Variants in CADPS observed in about 807,000 individuals in gnomAD.
The protein encoded by CADPS is calcium dependent secretion activator.
A neutral mutation model predicts 167.3 loss-of-function variants in CADPS; 57 were observed. The ratio of observed to expected loss-of-function variants is 0.34; its 90% CI spans 0.28 to 0.42. The LOEUF (loss-of-function observed/expected upper bound fraction) is 0.42. Ranked by LOEUF, CADPS falls within the 20% of genes least tolerant of loss-of-function variation. CADPS has a pLI of 1.00. For missense variants in CADPS, 1,414 were observed against 1,738.1 expected (o/e 0.81, Z 3.32); for synonymous variants, 676 against 635.3 (o/e 1.06, Z -0.96).
At chr3:62,480,397 G>C (rs1005996196) in intron 22 of CADPS, among the ~76,000 whole-genome samples, 1 of 152,080 alleles carries the variant, frequency 6.6e-6, no homozygotes, top group African/African-American at 2.4e-5. Context: ...AATATGATTT[G>C]TGTTCTTTTT....
intron 1 of CADPS, among the ~76,000 whole-genome samples, chr3:62,769,206 C>T (rs982083639): frequency 2.6e-5 from 4 of 151,362 alleles, no homozygotes; most frequent in African/African-American, 9.8e-5. Context: ...ATCTTAGCTA[C>T]TGTGATGATT....
chr3:62,739,526 G>T (rs1468450690), intron 3 of CADPS, among the ~76,000 whole-genome samples: 1 of 152,194 alleles, frequency 6.6e-6, no homozygotes, highest in Non-Finnish European at 1.5e-5. Flanking sequence ...TAAGGGCTTT[G>T]CCGCTTTCTA....
chr3:62,552,690 GA>G (rs1470728574), intron 10 of CADPS, among the ~76,000 whole-genome samples: 2 of 152,142 alleles, frequency 1.3e-5, no homozygotes, highest in African/African-American at 4.8e-5. Context: ...GCAATTTATT[GA>G]GGTGTCTATG....
chr3:62,678,741 T>C (rs1290577479), intron 3 of CADPS, among the ~76,000 whole-genome samples: 1 of 151,562 alleles, frequency 6.6e-6, no homozygotes, highest in Non-Finnish European at 1.5e-5. Context: ...AGAAACCATG[T>C]TGACCTAAGG....
At chr3:62,497,924 A>G (rs1269727484) in intron 18 of CADPS, among the ~76,000 whole-genome samples, 1 of 152,202 alleles carries the variant, frequency 6.6e-6, no homozygotes, top group African/African-American at 2.4e-5. Flanking sequence ...GTTGTTAAGT[A>G]TATCAATTGC....
At chr3:62,661,453 G>A (rs1335586214) in intron 4 of CADPS, among the ~76,000 whole-genome samples, 1 of 152,132 alleles carries the variant, frequency 6.6e-6, no homozygotes, top group Non-Finnish European at 1.5e-5. Context: ...GAAAGGGCCT[G>A]GTATATTTGG....
chr3:62,530,162 C>A (rs1375689941), intron 13 of CADPS, among the ~76,000 whole-genome samples: 1 of 152,100 alleles, frequency 6.6e-6, no homozygotes, highest in Admixed American at 6.6e-5. Flanking sequence ...TATTATAAAT[C>A]ATTATTTGAG....
At chr3:62,424,001 A>G (rs895676682) in intron 28 of CADPS, among the ~76,000 whole-genome samples, 5 of 152,226 alleles carry the variant, frequency 3.3e-5, no homozygotes, top group African/African-American at 1.2e-4. Flanking sequence ...TTTTCCTCTT[A>G]GGAGAATGCT....
chr3:62,778,695 C>T (rs1423496991), intron 1 of CADPS, among the ~76,000 whole-genome samples: 1 of 152,114 alleles, frequency 6.6e-6, no homozygotes. Context: ...GAATAGAAAC[C>T]CAGGTATGTA....
intron 1 of CADPS, among the ~76,000 whole-genome samples, chr3:62,776,572 T>G (rs994891267): frequency 6.6e-6 from 1 of 152,096 alleles, no homozygotes; most frequent in Non-Finnish European, 1.5e-5. Flanking sequence ...GAGAATGGCG[T>G]GAACCCGGGA....
intron 1 of CADPS, among the ~76,000 whole-genome samples, chr3:62,789,979 C>A (rs1404221815): frequency 6.6e-6 from 1 of 151,994 alleles, no homozygotes; most frequent in African/African-American, 2.4e-5. Flanking sequence ...ATAGTCCATG[C>A]TCTCAGGGAG....
intron 1 of CADPS, among the ~76,000 whole-genome samples, chr3:62,792,433 GGCTCAGGTAAT>G (rs1417080961): frequency 2.6e-5 from 4 of 151,838 alleles, no homozygotes; most frequent in Admixed American, 6.6e-5. Flanking sequence ...CAAACTCCTG[GGCTCAGGTAAT>G]GCTCCCGCCT....
At chr3:62,727,546 C>A (rs1385082663) in intron 3 of CADPS, among the ~76,000 whole-genome samples, 1 of 151,820 alleles carries the variant, frequency 6.6e-6, no homozygotes, top group Non-Finnish European at 1.5e-5. Flanking sequence ...ACAAAAAAAA[C>A]TGTCATTCTC....
chr3:62,782,822 C>T (rs2091891449), intron 1 of CADPS, among the ~76,000 whole-genome samples: 4 of 151,056 alleles, frequency 2.6e-5, no homozygotes, highest in Non-Finnish European at 5.9e-5. Context: ...TGCAGTGACC[C>T]GATCTCATCT....
intron 3 of CADPS, among the ~76,000 whole-genome samples, chr3:62,694,521 T>C (rs1183373144): frequency 1.3e-5 from 2 of 152,170 alleles, no homozygotes; most frequent in East Asian, 3.9e-4. Flanking sequence ...TCAATTACAT[T>C]AGACCCCTTC....
Position 62,753,826 on chromosome 3 carries a change from C to A in CADPS, c.556-53G>T, listed in dbSNP as rs2083254566. 5.3e-6 allele frequency: 8 copies of A among 1,523,278 alleles called. No individual in the cohort carries two copies. The South Asian group carries it at 1.0e-4, about 19-fold the overall frequency. The allele number at this position is 1,523,278 out of a possible 1,614,324, so 94.4% of individuals were successfully genotyped here. A position where few individuals can be genotyped will look rare whatever the true frequency, so the allele number is the denominator to read the frequency against. ...AGTAGGAGAGTTTACCACAGAGGTA[C>A]CAGTTCCCTGGGGCTGGACACTGGG... On this transcript the variant is annotated intron_variant, in intron 2 of 29. Coordinates refer to ENST00000383710, the MANE Select transcript of CADPS (RefSeq NM_003716.4). The surrounding 1 kb of genome is among the most constrained non-coding windows in gnomAD (Gnocchi z 4.6).
At chr3:62,406,360 G>C (rs1465193296) in intron 28 of CADPS, among the ~76,000 whole-genome samples, 1 of 152,064 alleles carries the variant, frequency 6.6e-6, no homozygotes, top group Non-Finnish European at 1.5e-5. Flanking sequence ...CTTATTAATC[G>C]GGTTTGCTTT....
chr3:62,693,778 C>T (rs2079686692), intron 3 of CADPS, among the ~76,000 whole-genome samples: 1 of 96,566 alleles, frequency 1.0e-5, no homozygotes, highest in Non-Finnish European at 2.1e-5. Flanking sequence ...GAATGGGACT[C>T]CATCTTAAAA....
Position 62,819,417 on chromosome 3 carries a change from T to C in CADPS, c.442-53433A>G, listed in dbSNP as rs954284987. Among the ~76,000 whole-genome samples the C allele has an allele frequency of 3.9e-3, 590 of 150,174 alleles. 3 individuals carry two copies. The highest frequency in any genetic ancestry group is 4.3e-3 in the Non-Finnish European group (292 of 67,644). On this transcript the variant is annotated intron_variant, in intron 1 of 29. Coordinates refer to ENST00000383710, the MANE Select transcript of CADPS (RefSeq NM_003716.4). ...ATGACAATCTGTGTGCGTGTGTGTG[T>C]GTGTGTGTGTGTGTGTGTGTGTGTG...
Sources: allele counts gnomAD v4.1 joint callset (sites outside exome capture counted in the v4.1 genomes callset), GRCh38; gene constraint gnomAD v4.1.1; non-coding constraint Gnocchi (gnomAD v3.1); transcripts MANE v1.5; gene names NCBI Gene and HGNC (gene_info 2026-07-23, HGNC 2026-07-21).